RNF227: variants seen among roughly 807,000 people sequenced by gnomAD.
RNF227 encodes ring finger protein 227.
In RNF227, 8 loss-of-function variants were observed where a neutral mutation model predicts 4.9. That is an observed-to-expected ratio of 1.65 (90% CI 0.97 to 2.98). The LOEUF is 2.98. Among genes scored for constraint, RNF227 ranks in the 30% most tolerant of loss-of-function variants. RNF227 has a pLI of 0.00. For synonymous variants in RNF227, 63 were observed against 28.1 expected, an observed-to-expected ratio of 2.25 and a Z score of -3.94; for missense variants, 136 against 65.4, an observed-to-expected ratio of 2.08 and a Z score of -3.72.
chr17:7,916,277 G>A lies in RNF227; in HGVS notation c.-82C>T, dbSNP rs1971971729. On this transcript the variant is annotated 5_prime_UTR_variant, in exon 1 of 2. Coordinates refer to ENST00000324348, the MANE Select transcript of RNF227 (RefSeq NM_001358699.2). ...GAGCACACTCTCCTGGGGCCGGGTCGGGTCCTGGGGCCGGCGCCGCGGCCT... is the reference window on the plus strand; with the variant it reads ...GAGCACACTCTCCTGGGGCCGGGTCAGGTCCTGGGGCCGGCGCCGCGGCCT... 2.9e-6 allele frequency: 1 copy of A among 349,826 alleles called. No individual in the cohort carries two copies. The highest frequency in any genetic ancestry group is 2.1e-5 in the African/African-American group (1 of 46,590). 21.7% of individuals were successfully genotyped at this position (349,826 alleles called of 1,614,324 possible). A position where few individuals can be genotyped will look rare whatever the true frequency, so the allele number is the denominator to read the frequency against.
At position 7,916,250 on chromosome 17, in the gene RNF227, A is replaced by G; in HGVS notation, c.-55T>C. On this transcript the variant is annotated 5_prime_UTR_variant, in exon 1 of 2. Coordinates refer to ENST00000324348, the MANE Select transcript of RNF227 (RefSeq NM_001358699.2). ...TAACGCGGCCAGCTCCGTGAACAGAACGAGCACACTCTCCTGGGGCCGGGT... is the reference window on the plus strand; with the variant it reads ...TAACGCGGCCAGCTCCGTGAACAGAGCGAGCACACTCTCCTGGGGCCGGGT... The G allele has an allele frequency of 2.7e-6, 1 of 369,714 alleles. No individual in the cohort carries two copies. The highest frequency in any genetic ancestry group is 4.8e-6 in the Non-Finnish European group (1 of 207,052). The allele number at this position is 369,714 out of a possible 1,614,324, so 22.9% of individuals were successfully genotyped here.
At position 7,915,889 on chromosome 17, in the gene RNF227, G is replaced by A. The variant is rs1411918842; in HGVS notation, c.307C>T (p.Arg103Ter). 1 of 702,236 alleles carries A rather than the reference G, an allele frequency of 1.4e-6. No individual in the cohort carries two copies. Among genetic ancestry groups the A allele is most frequent in the Non-Finnish European group, 2.6e-6 (1 of 384,654 alleles). The allele number at this position is 702,236 out of a possible 1,614,324, so 43.5% of individuals were successfully genotyped here. The change falls in exon 1 of 2, where the codon CGA becomes TGA. Residue 103 changes from arginine to a stop codon, truncating the protein, a stop_gained. Coordinates refer to ENST00000324348, the MANE Select transcript of RNF227 (RefSeq NM_001358699.2). LOFTEE classifies it high-confidence loss of function. ...TTGGCCCGCGCTTTTTCCTCCAATC[G>A]CGACCACAAGTCCGAGTCAAGAGCC... is the stretch of plus-strand genomic sequence containing the variant. ...EMALDSDLWS[R>*]LEEKARAKCE...
In RNF227 at chr17:7,916,108, G is replaced by C; in HGVS notation, c.88C>G (p.Arg30Gly). ...ICYRPFNLGCRAPRRLPGTAR... is the reference protein window; with the variant it reads ...ICYRPFNLGCGAPRRLPGTAR... ...GTTCCGGGCAGGCGGCGGGGCGCGC[G>C]GCACCCGAGGTTGAAAGGACGGTAG... The change falls in exon 1 of 2, where the codon CGC becomes GGC. Residue 30 changes from arginine to glycine, a missense_variant. Physicochemically the swap from Arg to Gly is moderately radical, Grantham distance 125. Transcript: ENST00000324348. The C allele has an allele frequency of 2.5e-6, 1 of 394,700 alleles. No individual in the cohort carries two copies. The highest frequency in any genetic ancestry group is 4.5e-6 in the Non-Finnish European group (1 of 223,696). 24.4% of individuals were successfully genotyped at this position (394,700 alleles called of 1,614,324 possible).
Position 7,915,239 on chromosome 17 carries a change from AAC to A in RNF227, c.*281_*282del. On this transcript the variant is annotated 3_prime_UTR_variant, in exon 2 of 2. Coordinates refer to ENST00000324348, the MANE Select transcript of RNF227 (RefSeq NM_001358699.2). Reference sequence around the variant, plus strand: ...CAAAAGCCAACGTCCCAGCTAAGAAAACAGTCTGTCTTCTTCCCACGGTAACG... The same window carrying A: ...CAAAAGCCAACGTCCCAGCTAAGAAAAGTCTGTCTTCTTCCCACGGTAACG... The A allele has an allele frequency of 1.8e-6, 1 of 542,412 alleles. No homozygotes were observed. 33.6% of individuals were successfully genotyped at this position (542,412 alleles called of 1,614,324 possible).
rs893774750 is a variant in RNF227 at position 7,916,091 on chromosome 17, C to T, written c.105G>A (p.Leu35=). ...FNLGCRAPRR[L]PGTARARCGH... ...CGCAGCGGGCGCGCGCCGTTCCGGG[C>T]AGGCGGCGGGGCGCGCGGCACCCGA... The change falls in exon 1 of 2, where the codon CTG becomes CTA. Residue 35 remains leucine (L), a synonymous_variant. Coordinates refer to ENST00000324348, the MANE Select transcript of RNF227 (RefSeq NM_001358699.2). 2.6e-6 allele frequency: 1 copy of T among 390,158 alleles called. No homozygotes were observed. Among genetic ancestry groups the T allele is most frequent in the East Asian group, 3.6e-5 (1 of 27,652 alleles). 24.2% of individuals were successfully genotyped at this position (390,158 alleles called of 1,614,324 possible).
chr17:7,915,927 C>T lies in RNF227; in HGVS notation c.269G>A (p.Gly90Asp), dbSNP rs1366846275. 2 of 692,574 alleles carry T rather than the reference C, an allele frequency of 2.9e-6. No individual in the cohort carries two copies. 42.9% of individuals were successfully genotyped at this position (692,574 alleles called of 1,614,324 possible). Residue 90 changes from glycine to aspartate, a missense_variant, in exon 1 of 2, where the codon GGC becomes GAC. Coordinates refer to ENST00000324348, the MANE Select transcript of RNF227 (RefSeq NM_001358699.2). ...CGAGTCAAGAGCCATCTCCGTGAGG[C>T]CGCCGCGAGGGAGCTGCGAGGGCGC... is the stretch of plus-strand genomic sequence containing the variant. ...CRAPSQLPRG[G>D]LTEMALDSDL...
In RNF227 at chr17:7,915,538, G is replaced by A; in HGVS notation, c.557C>T (p.Thr186Ile). 1.4e-6 allele frequency: 1 copy of A among 703,124 alleles called. No individual in the cohort carries two copies. The highest frequency in any genetic ancestry group is 1.5e-5 in the South Asian group (1 of 67,606). The allele number at this position is 703,124 out of a possible 1,614,324, so 43.6% of individuals were successfully genotyped here. A position where few individuals can be genotyped will look rare whatever the true frequency, so the allele number is the denominator to read the frequency against. Residue 186 changes from threonine to isoleucine, a missense_variant, in exon 2 of 2, where the codon ACC becomes ATC. By Grantham distance (89) the Thr-to-Ile change is moderately conservative. Transcript: ENST00000324348. ...CAEIKDIGHL[T>I]RCTL ...GTTCCTCGGTTACAACGTGCAACGG[G>A]TCAGGTGGCCAATGTCCTTGATCTC...
rs1376789927 is a variant in RNF227, at chr17:7,913,738, TTAAC to T, written c.*1780_*1783del. 3 of 152,368 alleles carry T rather than the reference TTAAC, an allele frequency of 2.0e-5. No individual in the cohort carries two copies. Among genetic ancestry groups the T allele is most frequent in the Non-Finnish European group, 4.4e-5 (3 of 68,038 alleles). 9.4% of individuals were successfully genotyped at this position (152,368 alleles called of 1,614,324 possible). On this transcript the variant is annotated 3_prime_UTR_variant, in exon 2 of 2. Coordinates refer to ENST00000324348, the MANE Select transcript of RNF227 (RefSeq NM_001358699.2). The stretch of plus-strand genomic sequence containing the variant: ...TGAGGTTAATAATAAGTTCACATTT[TTAAC>T]TAAGAGAAAAATGTTACATAGTAGG...
At position 7,915,817 on chromosome 17, in the gene RNF227, C is replaced by A; in HGVS notation, c.379G>T (p.Ala127Ser). ...CCTTCTTCCTCCGCCTCTCCGTCAG[C>A]GTCGCTGCTTTCCTTGGCCGGGTTC... ...AGNPAKESSD[A>S]DGEAEEEGES... Residue 127 changes from alanine (A) to serine (S), a missense_variant, in exon 1 of 2, where the codon GCT becomes TCT. Ala to Ser is a moderately conservative substitution (Grantham distance 99). Transcript: ENST00000324348. The A allele has an allele frequency of 2.8e-6, 2 of 702,808 alleles. No homozygotes were observed. The highest frequency in any genetic ancestry group is 2.6e-6 in the Non-Finnish European group (1 of 384,778). 43.5% of individuals were successfully genotyped at this position (702,808 alleles called of 1,614,324 possible).
Position 7,916,238 on chromosome 17 carries a change from T to G in RNF227, c.-43A>C. ...CGAGGACGTCGCTAACGCGGCCAGC[T>G]CCGTGAACAGAACGAGCACACTCTC... On this transcript the variant is annotated 5_prime_UTR_variant, in exon 1 of 2. Coordinates refer to ENST00000324348, the MANE Select transcript of RNF227 (RefSeq NM_001358699.2). 1 of 379,172 alleles carries G rather than the reference T, an allele frequency of 2.6e-6. No individual in the cohort carries two copies. Among genetic ancestry groups the G allele is most frequent in the Admixed American group, 4.5e-5 (1 of 22,116 alleles). The allele number at this position is 379,172 out of a possible 1,614,324, so 23.5% of individuals were successfully genotyped here. A position where few individuals can be genotyped will look rare whatever the true frequency, so the allele number is the denominator to read the frequency against.
Position 7,915,774 on chromosome 17 carries a change from G to A in RNF227, c.422C>T (p.Ala141Val), listed in dbSNP as rs76072033. 13,693 of 702,560 alleles carry A rather than the reference G, an allele frequency of 0.019. 660 individuals are homozygous for A. Among genetic ancestry groups the A allele is most frequent in the East Asian group, 0.17 (6,353 of 37,250 alleles). 43.5% of individuals were successfully genotyped at this position (702,560 alleles called of 1,614,324 possible). The change falls in exon 1 of 2, where the codon GCG becomes GTG. Residue 141 changes from alanine (A) to valine (V), a missense_variant. Physicochemically the swap from Ala to Val is moderately conservative, Grantham distance 64. Transcript: ENST00000324348. The stretch of plus-strand genomic sequence containing the variant: ...GCGCCACCCAGCACTCCTAGGCCCC[G>A]CCCCCTTCTCGCTCTCCCCTTCTTC... ...AEEEGESEKGAGPRSAGWRAL... is the reference protein window; with the variant it reads ...AEEEGESEKGVGPRSAGWRAL...
Position 7,916,243 on chromosome 17 carries a change from G to T in RNF227, c.-48C>A, listed in dbSNP as rs1971970962. On this transcript the variant is annotated 5_prime_UTR_variant, in exon 1 of 2. Coordinates refer to ENST00000324348, the MANE Select transcript of RNF227 (RefSeq NM_001358699.2). ...ACGTCGCTAACGCGGCCAGCTCCGT[G>T]AACAGAACGAGCACACTCTCCTGGG... is the stretch of plus-strand genomic sequence containing the variant. The T allele has an allele frequency of 8.0e-6, 3 of 376,530 alleles. No homozygotes were observed. The highest frequency in any genetic ancestry group is 1.3e-4 in the South Asian group (1 of 7,530). The allele number at this position is 376,530 out of a possible 1,614,324, so 23.3% of individuals were successfully genotyped here. A position where few individuals can be genotyped will look rare whatever the true frequency, so the allele number is the denominator to read the frequency against.
In RNF227 at chr17:7,915,743, G is replaced by T; in HGVS notation, c.453C>A (p.Leu151=). ...CCAGGACCCTGTCCCAGAGCCGCCG[G>T]AGCGCGCGCCACCCAGCACTCCTAG... ...AGPRSAGWRA[L]RRLWDRVLGP... The change falls in exon 1 of 2, where the codon CTC becomes CTA. Residue 151 remains leucine, a synonymous_variant. Transcript: ENST00000324348. The T allele has an allele frequency of 1.4e-6, 1 of 702,620 alleles. No individual in the cohort carries two copies. Among genetic ancestry groups the T allele is most frequent in the Non-Finnish European group, 2.6e-6 (1 of 384,722 alleles). 43.5% of individuals were successfully genotyped at this position (702,620 alleles called of 1,614,324 possible). A position where few individuals can be genotyped will look rare whatever the true frequency, so the allele number is the denominator to read the frequency against.
Position 7,915,036 on chromosome 17 carries a change from G to T in RNF227, c.*486C>A, listed in dbSNP as rs1971947778. The T allele has an allele frequency of 8.0e-6, 2 of 251,502 alleles. No homozygotes were observed. Among genetic ancestry groups the T allele is most frequent in the Non-Finnish European group, 1.6e-5 (2 of 125,728 alleles). The allele number at this position is 251,502 out of a possible 1,614,324, so 15.6% of individuals were successfully genotyped here. A position where few individuals can be genotyped will look rare whatever the true frequency, so the allele number is the denominator to read the frequency against. On this transcript the variant is annotated 3_prime_UTR_variant, in exon 2 of 2. Transcript: ENST00000324348. ...TCTCAATTTCTGGAACACAGAACTG[G>T]GAGTGGGGAGACAGCAGGCATACCA... is the stretch of plus-strand genomic sequence containing the variant.
At position 7,916,192 on chromosome 17, in the gene RNF227, G is replaced by T; in HGVS notation, c.4C>A (p.Gln2Lys). M[Q>K]LLVRVPSLPE... Reference sequence around the variant, plus strand: ...AGAGAGGGTACCCTCACCAAGAGCTGCATCGTGCCCGCCGCGGACTCGAGG... The same window carrying T: ...AGAGAGGGTACCCTCACCAAGAGCTTCATCGTGCCCGCCGCGGACTCGAGG... Residue 2 changes from glutamine to lysine, a missense_variant, in exon 1 of 2, where the codon CAG becomes AAG. By Grantham distance (53) the Gln-to-Lys change is moderately conservative. Transcript: ENST00000324348. The T allele has an allele frequency of 2.5e-6, 1 of 393,838 alleles. No homozygotes were observed. Among genetic ancestry groups the T allele is most frequent in the Non-Finnish European group, 4.5e-6 (1 of 222,922 alleles). The allele number at this position is 393,838 out of a possible 1,614,324, so 24.4% of individuals were successfully genotyped here.
rs1567886782 is a variant in RNF227, at chr17:7,916,021, C to A, written c.175G>T (p.Gly59Trp). The A allele has an allele frequency of 2.9e-6, 1 of 349,434 alleles. No homozygotes were observed. Among genetic ancestry groups the A allele is most frequent in the Non-Finnish European group, 5.1e-6 (1 of 195,606 alleles). 21.6% of individuals were successfully genotyped at this position (349,434 alleles called of 1,614,324 possible). ...TACLRELAAR[G>W]DGGGAAARVV... The stretch of plus-strand genomic sequence containing the variant: ...CGCGCGGCCGCCCCGCCGCCGTCCC[C>A]GCGCGCCGCCAGCTCGCGGAGGCAG... Residue 59 changes from glycine to tryptophan, a missense_variant, in exon 1 of 2, where the codon GGG becomes TGG. Coordinates refer to ENST00000324348, the MANE Select transcript of RNF227 (RefSeq NM_001358699.2).
In RNF227 at chr17:7,915,398, T is replaced by G; in HGVS notation, c.*124A>C. On this transcript the variant is annotated 3_prime_UTR_variant, in exon 2 of 2. Transcript: ENST00000324348. ...CAACACCTCCCAGGGCGTTCCCTCC[T>G]GCCTTCGGCTCATCTCTCTCATCAC... 1 of 702,020 alleles carries G rather than the reference T, an allele frequency of 1.4e-6. No individual in the cohort carries two copies. The highest frequency in any genetic ancestry group is 2.6e-6 in the Non-Finnish European group (1 of 384,888). 43.5% of individuals were successfully genotyped at this position (702,020 alleles called of 1,614,324 possible). A position where few individuals can be genotyped will look rare whatever the true frequency, so the allele number is the denominator to read the frequency against.
At position 7,916,072 on chromosome 17, in the gene RNF227, G is replaced by C. The variant is rs902632214; in HGVS notation, c.124C>G (p.Arg42Gly). 2 of 382,616 alleles carry C rather than the reference G, an allele frequency of 5.2e-6. No individual in the cohort carries two copies. Among genetic ancestry groups the C allele is most frequent in the African/African-American group, 4.2e-5 (2 of 47,654 alleles). 23.7% of individuals were successfully genotyped at this position (382,616 alleles called of 1,614,324 possible). Residue 42 changes from arginine to glycine, a missense_variant, in exon 1 of 2, where the codon CGC becomes GGC. Physicochemically the swap from Arg to Gly is moderately radical, Grantham distance 125. Coordinates refer to ENST00000324348, the MANE Select transcript of RNF227 (RefSeq NM_001358699.2). ...GCGGTGCAGATCGTGTGGCCGCAGC[G>C]GGCGCGCGCCGTTCCGGGCAGGCGG... The part of the protein sequence containing the change: ...PRRLPGTARA[R>G]CGHTICTACL...
rs1464785465 is a variant in RNF227, at chr17:7,915,928, C to T, written c.268G>A (p.Gly90Ser). 4.3e-6 allele frequency: 3 copies of T among 691,522 alleles called. No individual in the cohort carries two copies. The highest frequency in any genetic ancestry group is 2.0e-5 in the Admixed American group (1 of 49,674). The allele number at this position is 691,522 out of a possible 1,614,324, so 42.8% of individuals were successfully genotyped here. The change falls in exon 1 of 2, where the codon GGC becomes AGC. Residue 90 changes from glycine to serine, a missense_variant. Physicochemically the swap from Gly to Ser is moderately conservative, Grantham distance 56 (BLOSUM62 0). Transcript: ENST00000324348. Reference protein sequence around the residue: ...CRAPSQLPRGGLTEMALDSDL... With the variant: ...CRAPSQLPRGSLTEMALDSDL... ...GAGTCAAGAGCCATCTCCGTGAGGC[C>T]GCCGCGAGGGAGCTGCGAGGGCGCG...
Sources: gnomAD v4.1 joint callset for allele counts on GRCh38, gnomAD v4.1.1 for gene constraint, MANE v1.5 for transcripts, NCBI Gene and HGNC (gene_info 2026-07-23, HGNC 2026-07-21) for gene names.